Variants in C2orf78 observed in about 807,000 individuals in gnomAD.
C2orf78 encodes the protein chromosome 2 open reading frame 78, also known as uncharacterized protein C2orf78.
A neutral mutation model predicts 21.4 loss-of-function variants in C2orf78; 12 were observed. That is an observed-to-expected ratio of 0.56 (90% CI 0.36 to 0.91). The LOEUF (loss-of-function observed/expected upper bound fraction) is 0.91. C2orf78 is among the 40% of genes least tolerant of loss of function. The pLI, the probability that C2orf78 is intolerant of heterozygous loss-of-function variation, is 0.01. For synonymous variants in C2orf78, 396 were observed against 413.9 expected (o/e 0.96, Z 0.52); for missense variants, 1,042 against 1,092.4 (o/e 0.95, Z 0.65).
exon 3 of C2orf78, chr2:73,816,863 G>A (rs1673213943): frequency 6.2e-7 from 1 of 1,613,964 alleles, no homozygotes; most frequent in South Asian, 1.1e-5. Flanking sequence ...CAGAGCGTGA[G>A]GCCATGAAGA....
chr2:73,816,888 G>A (rs1201656542), exon 3 of C2orf78: 9 of 1,613,772 alleles, frequency 5.6e-6, no homozygotes, highest in Non-Finnish European at 7.6e-6. Flanking sequence ...GGCTCAACAA[G>A]AGCGTGAGAA....
intron 2 of C2orf78, among the ~76,000 whole-genome samples, 192 bp downstream of exon 2, chr2:73,814,418 A>T (rs1673151286): frequency 1.3e-5 from 2 of 152,182 alleles, no homozygotes; most frequent in Non-Finnish European, 2.9e-5. Context: ...GGAACACTGT[A>T]ATGGCCATCT....
chr2:73,816,490 C>T (rs771040386), exon 3 of C2orf78: 8 of 1,613,856 alleles, frequency 5.0e-6, no homozygotes, highest in Admixed American at 3.3e-5. Context: ...CGACCTGATT[C>T]TACTAACTCA....
At chr2:73,784,817 C>T (rs946750329) in intron 1 of C2orf78, among the ~76,000 whole-genome samples, 13 of 151,520 alleles carry the variant, frequency 8.6e-5, no homozygotes, top group East Asian at 5.8e-4. Flanking sequence ...AGCCTCCCTC[C>T]ACTAATATTT....
At chr2:73,809,210 C>A (rs1460206370) in intron 1 of C2orf78, among the ~76,000 whole-genome samples, 1 of 151,986 alleles carries the variant, frequency 6.6e-6, no homozygotes, top group East Asian at 1.9e-4. Flanking sequence ...AAATCAGAGA[C>A]TTTCTGAGAG....
At chr2:73,792,400 G>C in intron 1 of C2orf78, among the ~76,000 whole-genome samples, 1 of 128,554 alleles carries the variant, frequency 7.8e-6, no homozygotes, top group African/African-American at 3.6e-5. Flanking sequence ...GCACGAGAAT[G>C]GTGTGAACCT....
chr2:73,811,384 T>C (rs776856080), intron 1 of C2orf78, among the ~76,000 whole-genome samples: 3 of 152,194 alleles, frequency 2.0e-5, no homozygotes, highest in Admixed American at 6.6e-5. Context: ...CAGTGTGCTG[T>C]TTCTAATTTT....
intron 1 of C2orf78, among the ~76,000 whole-genome samples, chr2:73,807,052 G>A (rs1452853266): frequency 6.9e-6 from 1 of 144,380 alleles, no homozygotes; most frequent in Non-Finnish European, 1.5e-5. Flanking sequence ...ATGGTGGCGA[G>A]TACCTGTAAT....
intron 1 of C2orf78, among the ~76,000 whole-genome samples, chr2:73,810,600 A>T (rs1366337062): frequency 7.2e-6 from 1 of 138,618 alleles, no homozygotes; most frequent in East Asian, 2.0e-4. Flanking sequence ...ATATACATAA[A>T]ATATATATAT....
exon 3 of C2orf78, chr2:73,815,105 G>A (rs1196234177): frequency 6.2e-7 from 1 of 1,613,626 alleles, no homozygotes; most frequent in Admixed American, 1.7e-5. Context: ...ATACTTCCCT[G>A]GGATTGCAAT....
intron 1 of C2orf78, among the ~76,000 whole-genome samples, chr2:73,807,949 C>T (rs1481564386): frequency 1.5e-4 from 22 of 151,132 alleles, no homozygotes; most frequent in East Asian, 1.2e-3. Flanking sequence ...TAATCTCTTC[C>T]TTTGGCCCTT....
At chr2:73,786,006 A>G (rs1672920697) in intron 1 of C2orf78, among the ~76,000 whole-genome samples, 1 of 151,926 alleles carries the variant, frequency 6.6e-6, no homozygotes. Context: ...AGATCGCGCC[A>G]TTGCACTCCA....
chr2:73,816,520 A>G (rs894964610), exon 3 of C2orf78: 6 of 1,613,866 alleles, frequency 3.7e-6, no homozygotes, highest in Admixed American at 1.7e-5. Context: ...AATGCAGTCA[A>G]TCCATCCCGA....
intron 2 of C2orf78, 136 bp from the exon 3 acceptor site, chr2:73,814,935 G>A (rs1196683459): frequency 2.2e-5 from 16 of 726,112 alleles, no homozygotes; most frequent in Non-Finnish European, 3.2e-5. Context: ...CCTAATACAG[G>A]GTCTTGCCCA....
At chr2:73,816,474 C>T (rs758580664) in exon 3 of C2orf78, 2 of 1,613,884 alleles carry the variant, frequency 1.2e-6, no homozygotes, top group South Asian at 1.1e-5. Context: ...TGTGGCTTAC[C>T]CTGCTCGACC....
chr2:73,812,901 A>G (rs987507876), intron 1 of C2orf78, among the ~76,000 whole-genome samples: 1 of 152,212 alleles, frequency 6.6e-6, no homozygotes, highest in African/African-American at 2.4e-5. Context: ...ACTAAGGATT[A>G]TAAAGGTAAT....
chr2:73,809,733 AGGTTC>A (rs1168044938), intron 1 of C2orf78, among the ~76,000 whole-genome samples: 1 of 152,196 alleles, frequency 6.6e-6, no homozygotes, highest in Admixed American at 6.5e-5. Flanking sequence ...GCAGTGAGTC[AGGTTC>A]ACACCACTGG....
chr2:73,812,678 G>A (rs755997912), intron 1 of C2orf78, among the ~76,000 whole-genome samples: 3 of 152,036 alleles, frequency 2.0e-5, no homozygotes, highest in Non-Finnish European at 4.4e-5. Flanking sequence ...GGCTGCCTGG[G>A]TGTCAAGCCA....
chr2:73,797,917 C>T (rs1316643417), intron 1 of C2orf78, among the ~76,000 whole-genome samples: 3 of 28,018 alleles, frequency 1.1e-4, no homozygotes, highest in African/African-American at 4.9e-4. Context: ...GGAATATTCA[C>T]GAATGTAAAA....
Sources: allele counts gnomAD v4.1 joint callset (sites outside exome capture counted in the v4.1 genomes callset), GRCh38; gene constraint gnomAD v4.1.1; transcripts MANE v1.5; gene names NCBI Gene and HGNC (gene_info 2026-07-23, HGNC 2026-07-21).